Variants in KRT73 observed in about 807,000 individuals in gnomAD.
KRT73 encodes the protein keratin, type II cytoskeletal 73.
In KRT73, 44 loss-of-function variants were observed where a neutral mutation model predicts 47.2. That is an observed-to-expected ratio of 0.93 (90% confidence interval 0.73 to 1.20). The LOEUF is 1.20. KRT73 is among the 50% of genes most tolerant of loss of function. KRT73 has a pLI of 0.00. For missense variants in KRT73, 713 were observed against 704.5 expected (o/e 1.01, Z -0.14); for synonymous variants, 285 against 291.3 (o/e 0.98, Z 0.22).
chr12:52,614,084 T>C, intron 4 of KRT73: 1 of 503,684 alleles, frequency 2.0e-6, no homozygotes, highest in South Asian at 3.1e-5. Context: ...GTCTGTCCCC[T>C]GAGACAGGAC....
the KRT73 span, among the ~76,000 whole-genome samples, chr12:52,624,578 A>G: frequency 3.3e-5 from 5 of 152,272 alleles, no homozygotes; most frequent in Non-Finnish European, 5.9e-5. Context: ...AGCCAAAATA[A>G]ATAAACTGAA....
chr12:52,617,991 G>T, intron 1 of KRT73, 87 bp downstream of exon 1: 1 of 1,403,966 alleles, frequency 7.1e-7, no homozygotes, highest in Non-Finnish European at 9.8e-7. Context: ...TTGCTCTCAG[G>T]CAAATTGAAC....
chr12:52,608,497 A>T (rs375094724), intron 8 of KRT73, 45 bp from the exon 9 acceptor site: 203 of 1,517,618 alleles, frequency 1.3e-4, no homozygotes, highest in Non-Finnish European at 1.7e-4. Context: ...ATCCCAGGAC[A>T]GAGGTGGCCT....
At chr12:52,614,007 G>T in intron 4 of KRT73, 155 bp from the exon 5 acceptor site, 1 of 1,133,914 alleles carries the variant, frequency 8.8e-7, no homozygotes, top group Non-Finnish European at 1.2e-6. Flanking sequence ...CAGCCCAGAG[G>T]TTCCAATACC....
chr12:52,614,927 C>A (rs948705401), intron 3 of KRT73: 2 of 523,528 alleles, frequency 3.8e-6, no homozygotes, highest in Admixed American at 6.9e-5. Context: ...CCCCACTCAG[C>A]CAGTCATTCA....
chr12:52,617,103 AACC>A (rs544235241), intron 1 of KRT73, among the ~76,000 whole-genome samples: 229 of 152,156 alleles, frequency 1.5e-3, no homozygotes, highest in Middle Eastern at 6.8e-3. Context: ...TGATGTCGTA[AACC>A]GAAGGTCTCC....
At chr12:52,618,698 C>A, upstream of KRT73, 1 of 647,652 alleles carries the variant, frequency 1.5e-6, no homozygotes, top group Non-Finnish European at 2.6e-6. Context: ...AAATCAGACA[C>A]CAGGTAAATG....
At chr12:52,614,525 A>G (rs1940770354) in intron 4 of KRT73, 54 bp downstream of exon 4, 1 of 1,470,282 alleles carries the variant, frequency 6.8e-7, no homozygotes, top group Non-Finnish European at 9.4e-7. Flanking sequence ...ACTGTTCATC[A>G]CATATCTGTC....
intron 1 of KRT73, among the ~76,000 whole-genome samples, chr12:52,617,135 T>C (rs1013971095): frequency 3.3e-5 from 5 of 152,154 alleles, no homozygotes; most frequent in Non-Finnish European, 5.9e-5. Context: ...AGACAAGTTC[T>C]ACCATGCTGC....
the KRT73 span, among the ~76,000 whole-genome samples, chr12:52,626,021 G>A: frequency 6.6e-6 from 1 of 152,206 alleles, no homozygotes; most frequent in Non-Finnish European, 1.5e-5. Context: ...AGAGAAGTGG[G>A]TGTGTCCAAA....
intron 5 of KRT73, 155 bp downstream of exon 5, chr12:52,613,533 G>T (rs952023618): frequency 7.1e-7 from 1 of 1,403,024 alleles, no homozygotes; most frequent in Admixed American, 2.6e-5. Flanking sequence ...GGACAGAGCT[G>T]TGTCTTCTCC....
intron 5 of KRT73, 157 bp from the exon 6 acceptor site, chr12:52,611,486 G>A: frequency 1.3e-6 from 1 of 796,152 alleles, no homozygotes; most frequent in East Asian, 2.6e-5. Context: ...AAAGCATTGG[G>A]CCATTGCATT....
At chr12:52,611,084 G>A (rs1313889395) in intron 6 of KRT73, 120 bp downstream of exon 6, 9 of 1,288,276 alleles carry the variant, frequency 7.0e-6, no homozygotes, top group African/African-American at 1.5e-5. Context: ...GATGAGAGCA[G>A]GACCTCCATT....
Position 52,610,655 on chromosome 12 carries a change from T to G in KRT73, c.1291A>C (p.Ile431Leu). ...TCCAGCAGCTTGCGGTAGGTGGCGA[T>G]CTCAATATCCAGGGACAGCTTCACG... ...LSVKLSLDIE[I>L]ATYRKLLEGE... is the part of the protein sequence containing the mutation. The change falls in exon 7 of 9, where the codon ATC becomes CTC. Residue 431 changes from isoleucine to leucine, a missense_variant. Ile to Leu is a conservative substitution (Grantham distance 5). Transcript: ENST00000305748. 1 of 1,611,890 alleles carries G rather than the reference T, an allele frequency of 6.2e-7. No homozygotes were observed. Among genetic ancestry groups the G allele is most frequent in the Non-Finnish European group, 8.5e-7 (1 of 1,179,062 alleles).
upstream of KRT73, among the ~76,000 whole-genome samples, chr12:52,622,393 T>C (rs1339963517): frequency 6.6e-6 from 1 of 152,234 alleles, no homozygotes; most frequent in Admixed American, 6.5e-5. Flanking sequence ...AATAAACATC[T>C]GGGATGTGAG....
rs1940611221 is a variant in KRT73, at chr12:52,607,663, G to T, written c.*533C>A. 6.6e-6 allele frequency: 1 copy of T among 152,334 alleles called. No individual in the cohort carries two copies. The highest frequency in any genetic ancestry group is 2.1e-4 in the South Asian group (1 of 4,820). 9.4% of individuals were successfully genotyped at this position (152,334 alleles called of 1,614,324 possible). On this transcript the variant is annotated 3_prime_UTR_variant, in exon 9 of 9. Transcript: ENST00000305748. Reference sequence around the variant, plus strand: ...ACAGATGAAGAGCACAAATCCCTTGGTTGGTAGAATTAGCCTCAAGGGGTA... The same window carrying T: ...ACAGATGAAGAGCACAAATCCCTTGTTTGGTAGAATTAGCCTCAAGGGGTA...
intron 6 of KRT73, 122 bp from the exon 7 acceptor site, chr12:52,610,957 C>T: frequency 1.0e-6 from 1 of 961,256 alleles, no homozygotes; most frequent in Non-Finnish European, 1.5e-6. Context: ...GAGACCCAGC[C>T]ACATCCAGGT....
chr12:52,626,836 G>T, the KRT73 span, among the ~76,000 whole-genome samples: 1 of 152,266 alleles, frequency 6.6e-6, no homozygotes, highest in East Asian at 1.9e-4. Context: ...ATTTGCCTGG[G>T]CTTATTGGGT....
intron 7 of KRT73, chr12:52,609,844 A>G (rs1485430880): frequency 1.3e-5 from 2 of 153,144 alleles, no homozygotes; most frequent in Non-Finnish European, 2.9e-5. Flanking sequence ...TTTTAAAAAG[A>G]AGTTTTTTAT....
Sources: gnomAD v4.1 joint callset for allele counts (sites outside exome capture counted in the v4.1 genomes callset) on GRCh38, gnomAD v4.1.1 for gene constraint, MANE v1.5 for transcripts, NCBI Gene and HGNC (gene_info 2026-07-23, HGNC 2026-07-21) for gene names.